GALNT18: variants seen among roughly 807,000 people sequenced by gnomAD.
The protein encoded by GALNT18 is GalNAc-transferase 18.
GALNT18 carries 44 observed loss-of-function variants against 69.5 expected under a neutral mutation model. The observed-to-expected ratio is 0.63, with a 90% confidence interval of 0.50 to 0.81. The LOEUF is 0.81. Ranked by LOEUF, GALNT18 falls within the 40% of genes least tolerant of loss-of-function variation. The probability of loss-of-function intolerance (pLI) is 0.00; values close to 1 mark genes in which losing one functional copy is unlikely to be tolerated. For synonymous variants in GALNT18, 364 were observed against 318.2 expected, an observed-to-expected ratio of 1.14 and a Z score of -1.53; for missense variants, 715 against 810.0, an observed-to-expected ratio of 0.88 and a Z score of 1.42.
In GALNT18 at chr11:11,335,735, C is replaced by T. The variant is rs1204337684; in HGVS notation, c.1279-2904G>A. ...TCTTTATAAGAGGAAAAAGAATGGT[C>T]TGGACACACATAGAGACAAAGAGGA... is the stretch of plus-strand genomic sequence containing the variant. On this transcript the variant is annotated intron_variant, in intron 7 of 10. Transcript: ENST00000227756. Among the ~76,000 whole-genome samples, 5 of 152,128 alleles carry T rather than the reference C, an allele frequency of 3.3e-5. No individual in the cohort carries two copies. In the East Asian group the frequency reaches 7.7e-4, roughly 23 times the overall value.
At chr11:11,468,072 G>A (rs1856188719) in intron 1 of GALNT18, among the ~76,000 whole-genome samples, 1 of 152,210 alleles carries the variant, frequency 6.6e-6, no homozygotes, top group Admixed American at 6.5e-5. Flanking sequence ...AACAAAGCAA[G>A]CCTTCCTGTC....
chr11:11,448,667 G>T, intron 2 of GALNT18, 77 bp downstream of exon 2: 4 of 1,297,480 alleles, frequency 3.1e-6, no homozygotes, highest in South Asian at 1.4e-5. Context: ...GCCCAGTCCT[G>T]CTCTGTTCCC....
At chr11:11,518,000 T>A (rs1857319085) in intron 1 of GALNT18, among the ~76,000 whole-genome samples, 1 of 152,250 alleles carries the variant, frequency 6.6e-6, no homozygotes, top group African/African-American at 2.4e-5. Context: ...GTGCCTACCC[T>A]GGCCTGGTTA....
intron 6 of GALNT18, chr11:11,352,765 T>G (rs753557526): frequency 6.2e-7 from 1 of 1,614,104 alleles, no homozygotes; most frequent in Non-Finnish European, 8.5e-7. Flanking sequence ...TTGAAGTCTG[T>G]GTTGTTTACG....
intron 9 of GALNT18, among the ~76,000 whole-genome samples, chr11:11,313,793 C>T (rs1849706693): frequency 6.6e-6 from 1 of 152,158 alleles, no homozygotes. Flanking sequence ...ATAGCAGTGC[C>T]TACTTCAAAG....
rs573591784 is a variant in GALNT18 at position 11,523,706 on chromosome 11, G to A, written c.236-74770C>T. On this transcript the variant is annotated intron_variant, in intron 1 of 10. Coordinates refer to ENST00000227756, the MANE Select transcript of GALNT18 (RefSeq NM_198516.3). This position sits in a 1 kb window ranked among gnomAD's most constrained non-coding sequence, Gnocchi z 4.3. ...TGCACTCCAGCCTGGGCAACAGAGC[G>A]AGACTCCATCTCAAAAAAAAAAAAA... Among the ~76,000 whole-genome samples the A allele has an allele frequency of 1.5e-4, 22 of 149,826 alleles. No homozygotes were observed. Among genetic ancestry groups the A allele is most frequent in the South Asian group, 2.1e-4 (1 of 4,694 alleles).
intron 9 of GALNT18, among the ~76,000 whole-genome samples, chr11:11,307,711 A>T (rs1849602823): frequency 6.6e-6 from 1 of 150,936 alleles, no homozygotes; most frequent in African/African-American, 2.4e-5. Flanking sequence ...TTCTTCCTTT[A>T]AGGTCCAGAA....
rs569309115 is a variant in GALNT18, at chr11:11,604,220, C to A, written c.235+17139G>T. Among the ~76,000 whole-genome samples the A allele has an allele frequency of 1.3e-5, 2 of 152,326 alleles. No homozygotes were observed. Among genetic ancestry groups the A allele is most frequent in the South Asian group, 4.1e-4 (2 of 4,830 alleles). On this transcript the variant is annotated intron_variant, in intron 1 of 10. Transcript: ENST00000227756. The surrounding 1 kb of genome is among the most constrained non-coding windows in gnomAD (Gnocchi z 5.6). ...GCAGCCCAAATAGACTAAGATACCACTTTTCAAAGATTGTGTTGGTTTGGT... is the reference window on the plus strand; with the variant it reads ...GCAGCCCAAATAGACTAAGATACCAATTTTCAAAGATTGTGTTGGTTTGGT...
intron 1 of GALNT18, among the ~76,000 whole-genome samples, chr11:11,472,040 T>G (rs1028165268): frequency 7.2e-5 from 11 of 152,220 alleles, no homozygotes; most frequent in African/African-American, 2.7e-4. Flanking sequence ...TGGGTTTTAT[T>G]TAGGGATTGC....
Position 11,377,399 on chromosome 11 carries a change from C to T in GALNT18, c.780-20G>A, listed in dbSNP as rs371136804. 6.2e-7 allele frequency: 1 copy of T among 1,610,782 alleles called. No individual in the cohort carries two copies. The highest frequency in any genetic ancestry group is 8.5e-7 in the Non-Finnish European group (1 of 1,177,820). On this transcript the variant is annotated intron_variant, in intron 4 of 10. Coordinates refer to ENST00000227756, the MANE Select transcript of GALNT18 (RefSeq NM_198516.3). This position sits in a 1 kb window ranked among gnomAD's most constrained non-coding sequence, Gnocchi z 4.6. ...TCAGCCCTGGGCAGAGAGGAGACAG[C>T]CAGAGAGGGTAACCATTTCCAAGGT... is the stretch of plus-strand genomic sequence containing the variant.
At chr11:11,481,599 A>C (rs959803310) in intron 1 of GALNT18, among the ~76,000 whole-genome samples, 7 of 152,202 alleles carry the variant, frequency 4.6e-5, no homozygotes, top group Non-Finnish European at 8.8e-5. Flanking sequence ...TGTGGAGGGC[A>C]GGACTGTGAG....
At chr11:11,509,642 CT>C (rs1166583083) in intron 1 of GALNT18, among the ~76,000 whole-genome samples, 2 of 152,378 alleles carry the variant, frequency 1.3e-5, no homozygotes, top group East Asian at 3.9e-4. Flanking sequence ...ACTTTCCCCC[CT>C]CTCCATGCCT....
In GALNT18 at chr11:11,344,854, C is replaced by T. The variant is rs570824606; in HGVS notation, c.1093-3850G>A. On this transcript the variant is annotated intron_variant, in intron 6 of 10. Transcript: ENST00000227756. The stretch of plus-strand genomic sequence containing the variant: ...TCACCGAGTGCTTGTGGAGTGGTGT[C>T]GGGCTATGTAACCTCTTGGCTAACA... Among the ~76,000 whole-genome samples, 8 of 134,832 alleles carry T rather than the reference C, an allele frequency of 5.9e-5. No individual in the cohort carries two copies. The East Asian group carries it at 1.0e-3, about 18-fold the overall frequency. The allele number at this position is 134,832 out of a possible 152,430, so 88.5% of individuals were successfully genotyped here. A position where few individuals can be genotyped will look rare whatever the true frequency, so the allele number is the denominator to read the frequency against.
chr11:11,409,496 C>A (rs61870274), intron 3 of GALNT18, among the ~76,000 whole-genome samples: 15,415 of 152,082 alleles, frequency 0.1, 865 homozygotes, highest in Admixed American at 0.15. Flanking sequence ...CACAAGCCAG[C>A]CTTCCTGTGC....
intron 6 of GALNT18, among the ~76,000 whole-genome samples, chr11:11,344,909 G>T (rs973054715): frequency 6.6e-6 from 1 of 152,222 alleles, no homozygotes; most frequent in African/African-American, 2.4e-5. Context: ...ACCACACCAG[G>T]CTGTGGGCTC....
rs10644506 is a variant in GALNT18 at position 11,358,826 on chromosome 11, AACACACACAC to A, written c.1092+13679_1092+13688del. On this transcript the variant is annotated intron_variant, in intron 6 of 10. Coordinates refer to ENST00000227756, the MANE Select transcript of GALNT18 (RefSeq NM_198516.3). ...AAGCTAACAGCCCCAATCCACACAA[AACACACACAC>A]ACACACACACACACACACACACACA... Among the ~76,000 whole-genome samples the A allele has an allele frequency of 6.3e-5, 7 of 110,904 alleles. 1 individual carries two copies. Among genetic ancestry groups the A allele is most frequent in the African/African-American group, 2.1e-4 (6 of 28,838 alleles). 72.8% of individuals were successfully genotyped at this position (110,904 alleles called of 152,430 possible). A position where few individuals can be genotyped will look rare whatever the true frequency, so the allele number is the denominator to read the frequency against.
chr11:11,423,490 C>A (rs898008441), intron 3 of GALNT18, among the ~76,000 whole-genome samples: 3 of 152,184 alleles, frequency 2.0e-5, no homozygotes, highest in Admixed American at 2.0e-4. Context: ...CAACAGAAGC[C>A]AGAAAGCCTC....
chr11:11,594,724 GATT>G (rs1044914645), intron 1 of GALNT18, among the ~76,000 whole-genome samples: 3 of 150,174 alleles, frequency 2.0e-5, no homozygotes, highest in South Asian at 4.2e-4. Context: ...TAGACATTTG[GATT>G]ATTTTCACTT....
rs1850168587 is a variant in GALNT18, at chr11:11,339,626, A to G, written c.1278+1193T>C. Among the ~76,000 whole-genome samples, 1 of 151,912 alleles carries G rather than the reference A, an allele frequency of 6.6e-6. No homozygotes were observed. The highest frequency in any genetic ancestry group is 2.4e-5 in the African/African-American group (1 of 41,336). On this transcript the variant is annotated intron_variant, in intron 7 of 10. Transcript: ENST00000227756. This position sits in a 1 kb window ranked among gnomAD's most constrained non-coding sequence, Gnocchi z 5.2. ...GAAGGTAATGCAGTTCCCCAGAAAC[A>G]CTCTTACTGTCAGGAATGCAATCCC... is the stretch of plus-strand genomic sequence containing the variant.
Sources: allele counts gnomAD v4.1 joint callset (sites outside exome capture counted in the v4.1 genomes callset), GRCh38; gene constraint gnomAD v4.1.1; non-coding constraint Gnocchi (gnomAD v3.1); transcripts MANE v1.5; gene names NCBI Gene and HGNC (gene_info 2026-07-23, HGNC 2026-07-21).